ZNF85: variants seen among roughly 807,000 people sequenced by gnomAD.
ZNF85 encodes zinc finger protein 85 (HPF4, HTF1).
In ZNF85, 50 loss-of-function variants were observed where a neutral mutation model predicts 53.9. The observed-to-expected ratio is 0.93, with a 90% CI of 0.74 to 1.17. ZNF85 has a LOEUF of 1.17. Among genes scored for constraint, ZNF85 ranks in the 50% most tolerant of loss-of-function variants. The pLI, the probability that ZNF85 is intolerant of heterozygous loss-of-function variation, is 0.00. For missense variants in ZNF85, 747 were observed against 688.5 expected (o/e 1.08, Z -0.95); for synonymous variants, 225 against 226.1 (o/e 1.00, Z 0.04).
chr19:20,949,844 C>A lies in ZNF85; in HGVS notation c.1330C>A (p.His444Asn), dbSNP rs1973531251. 6.2e-7 allele frequency: 1 copy of A among 1,612,290 alleles called. No individual in the cohort carries two copies. The highest frequency in any genetic ancestry group is 8.5e-7 in the Non-Finnish European group (1 of 1,179,184). ...AFNQSSKLTEHKKIHTGEKPY... is the reference protein window; with the variant it reads ...AFNQSSKLTENKKIHTGEKPY... ...TAACCAATCCTCAAAACTTACTGAA[C>A]ATAAGAAAATTCATACTGGAGAGAA... The change falls in exon 4 of 4, where the codon CAT (histidine) becomes AAT (asparagine). Residue 444 changes from histidine to asparagine, a missense_variant. Transcript: ENST00000328178.
chr19:20,938,824 C>T (rs1973220202), intron 3 of ZNF85, among the ~76,000 whole-genome samples: 1 of 151,276 alleles, frequency 6.6e-6, no homozygotes, highest in Admixed American at 6.6e-5. Flanking sequence ...TTTTATATAT[C>T]AGAGGCTCTA....
At chr19:20,943,832 A>G (rs1188493293) in intron 3 of ZNF85, 2 of 152,206 alleles carry the variant, frequency 1.3e-5, no homozygotes, top group Admixed American at 6.5e-5. Context: ...TTCCTGGTAA[A>G]TTGATCCATT....
At chr19:20,930,342 T>G (rs1385919187) in intron 1 of ZNF85, among the ~76,000 whole-genome samples, 1 of 152,110 alleles carries the variant, frequency 6.6e-6, no homozygotes, top group East Asian at 1.9e-4. Flanking sequence ...ATCCAGTAGT[T>G]GCTCTGCAAG....
At chr19:20,934,787 A>AAG (rs1973116786) in intron 2 of ZNF85, among the ~76,000 whole-genome samples, 162 bp from the exon 3 acceptor site, 1 of 151,486 alleles carries the variant, frequency 6.6e-6, no homozygotes, top group Non-Finnish European at 1.5e-5. Context: ...CATCTCAAAA[A>AAG]AAAAAAAAAA....
intron 3 of ZNF85, among the ~76,000 whole-genome samples, chr19:20,944,935 C>T (rs1412776433): frequency 6.6e-6 from 1 of 151,966 alleles, no homozygotes; most frequent in Non-Finnish European, 1.5e-5. Context: ...TTTCTATTTT[C>T]CTATAACTTG....
At chr19:20,948,693 C>T in intron 3 of ZNF85, 51 bp from the exon 4 acceptor site, 1 of 1,335,508 alleles carries the variant, frequency 7.5e-7, no homozygotes, top group East Asian at 2.3e-5. Flanking sequence ...TGTAAACTAT[C>T]TTCATCTAAG....
In ZNF85 at chr19:20,950,060, G is replaced by A. The variant is rs760735438; in HGVS notation, c.1546G>A (p.Gly516Ser). Residue 516 changes from glycine (G) to serine (S), a missense_variant, in exon 4 of 4, where the codon GGC becomes AGC. By Grantham distance (56) the Gly-to-Ser change is moderately conservative (BLOSUM62 0). Coordinates refer to ENST00000328178, the MANE Select transcript of ZNF85 (RefSeq NM_003429.5). ...GEKPYKCEECGKAFNQSSKLT... is the reference protein window; with the variant it reads ...GEKPYKCEECSKAFNQSSKLT... ...GAAACCATACAAATGTGAAGAATGT[G>A]GCAAAGCTTTTAACCAATCCTCAAA... 2 of 1,612,964 alleles carry A rather than the reference G, an allele frequency of 1.2e-6. No individual in the cohort carries two copies. The highest frequency in any genetic ancestry group is 1.7e-6 in the Non-Finnish European group (2 of 1,179,756).
In ZNF85 at chr19:20,949,949, G is replaced by T; in HGVS notation, c.1435G>T (p.Glu479Ter). The change falls in exon 4 of 4, where the codon GAG (glutamate) becomes TAG (stop). Residue 479 changes from glutamate (E) to a stop codon, truncating the protein, a stop_gained. Transcript: ENST00000328178. LOFTEE classifies it high-confidence loss of function. Reference protein sequence around the residue: ...LTRHKKSHTEEKPYKCEECGK... With the variant: ...LTRHKKSHTE ...TAGACATAAGAAAAGTCATACAGAAGAGAAACCTTACAAATGTGAAGAATG... is the reference window on the plus strand; with the variant it reads ...TAGACATAAGAAAAGTCATACAGAATAGAAACCTTACAAATGTGAAGAATG... The T allele has an allele frequency of 6.2e-7, 1 of 1,612,576 alleles. No homozygotes were observed. The highest frequency in any genetic ancestry group is 8.5e-7 in the Non-Finnish European group (1 of 1,179,206).
intron 1 of ZNF85, among the ~76,000 whole-genome samples, chr19:20,923,820 G>A (rs1972817127): frequency 6.6e-6 from 1 of 152,100 alleles, no homozygotes; most frequent in South Asian, 2.1e-4. Flanking sequence ...GGTGGCTCAC[G>A]CCTGTAATTT....
At chr19:20,937,070 GTCA>G (rs1292629880) in intron 3 of ZNF85, 1 of 202,998 alleles carries the variant, frequency 4.9e-6, no homozygotes, top group Non-Finnish European at 1.0e-5. Flanking sequence ...GTCTCACTCT[GTCA>G]TCAGGCTGGA....
At chr19:20,931,963 G>T (rs893852131) in intron 1 of ZNF85, among the ~76,000 whole-genome samples, 5 of 152,060 alleles carry the variant, frequency 3.3e-5, no homozygotes, top group Non-Finnish European at 7.4e-5. Context: ...ACAGGGGAGG[G>T]CACCTGAGAA....
intron 3 of ZNF85, among the ~76,000 whole-genome samples, chr19:20,947,132 T>A (rs1428338388): frequency 6.6e-6 from 1 of 151,882 alleles, no homozygotes; most frequent in Non-Finnish European, 1.5e-5. Context: ...TTACATAAAA[T>A]CTCTAAAAGA....
chr19:20,947,389 C>A (rs1163222951), intron 3 of ZNF85, among the ~76,000 whole-genome samples: 1 of 150,944 alleles, frequency 6.6e-6, no homozygotes, highest in Non-Finnish European at 1.5e-5. Flanking sequence ...GCATATCTTT[C>A]CCAGAAAGTT....
At chr19:20,938,581 T>C (rs772969526) in intron 3 of ZNF85, among the ~76,000 whole-genome samples, 1 of 152,230 alleles carries the variant, frequency 6.6e-6, no homozygotes, top group South Asian at 2.1e-4. Flanking sequence ...CATTTTTCTT[T>C]CTATTTTCCA....
intron 3 of ZNF85, among the ~76,000 whole-genome samples, chr19:20,941,321 C>G (rs1973289884): frequency 6.6e-6 from 1 of 152,146 alleles, no homozygotes; most frequent in Non-Finnish European, 1.5e-5. Context: ...GGCTGGTGTG[C>G]AGTAGCATGA....
At chr19:20,926,036 C>T (rs1332051161) in intron 1 of ZNF85, among the ~76,000 whole-genome samples, 1 of 152,052 alleles carries the variant, frequency 6.6e-6, no homozygotes, top group Non-Finnish European at 1.5e-5. Context: ...CTCAGGTGTG[C>T]TTATGGCTGG....
At chr19:20,923,908 C>A (rs1370696289) in intron 1 of ZNF85, among the ~76,000 whole-genome samples, 1 of 151,862 alleles carries the variant, frequency 6.6e-6, no homozygotes, top group African/African-American at 2.4e-5. Context: ...ATGGTGAAAC[C>A]CCGTCTCAAT....
rs775182107 is a variant in ZNF85 at position 20,950,047 on chromosome 19, A to G, written c.1533A>G (p.Lys511=). 1 of 1,613,026 alleles carries G rather than the reference A, an allele frequency of 6.2e-7. No individual in the cohort carries two copies. Among genetic ancestry groups the G allele is most frequent in the African/African-American group, 1.3e-5 (1 of 74,878 alleles). Residue 511 remains lysine, a synonymous_variant, in exon 4 of 4, where the codon AAA becomes AAG. Coordinates refer to ENST00000328178, the MANE Select transcript of ZNF85 (RefSeq NM_003429.5). The stretch of plus-strand genomic sequence containing the variant: ...TTCATACTGGAGAGAAACCATACAA[A>G]TGTGAAGAATGTGGCAAAGCTTTTA... ...KIIHTGEKPY[K]CEECGKAFNQ... is the part of the protein sequence containing the mutation.
At chr19:20,936,291 A>AT (rs1345473509) in intron 3 of ZNF85, among the ~76,000 whole-genome samples, 1 of 127,938 alleles carries the variant, frequency 7.8e-6, no homozygotes, top group African/African-American at 2.9e-5. Context: ...CTTTAAAACA[A>AT]TTTTTTTACT....
Sources: gnomAD v4.1 joint callset for allele counts (sites outside exome capture counted in the v4.1 genomes callset) on GRCh38, gnomAD v4.1.1 for gene constraint, MANE v1.5 for transcripts, NCBI Gene and HGNC (gene_info 2026-07-23, HGNC 2026-07-21) for gene names.